Variants in AEBP2 observed in about 807,000 individuals in gnomAD.
The protein encoded by AEBP2 is AE binding protein 2.
Under a neutral mutation model 50.8 loss-of-function variants are expected in AEBP2, and 10 were observed. The ratio of observed to expected loss-of-function variants is 0.20; its 90% CI spans 0.12 to 0.33. The LOEUF is 0.33. Ranked by LOEUF, AEBP2 falls within the 10% of genes least tolerant of loss-of-function variation. AEBP2 has a pLI of 1.00. For synonymous variants in AEBP2, 296 were observed against 261.3 expected, an observed-to-expected ratio of 1.13 and a Z score of -1.28; for missense variants, 570 against 688.0, an observed-to-expected ratio of 0.83 and a Z score of 1.92.
intron 1 of AEBP2, among the ~76,000 whole-genome samples, chr12:19,432,238 T>A (rs1287743527): frequency 6.6e-6 from 1 of 152,166 alleles, no homozygotes; most frequent in East Asian, 1.9e-4. Flanking sequence ...CATGAAAGCA[T>A]GTCTGGATCC....
At chr12:19,412,211 A>T (rs2095739570) in intron 1 of AEBP2, among the ~76,000 whole-genome samples, 1 of 152,220 alleles carries the variant, frequency 6.6e-6, no homozygotes, top group Admixed American at 6.5e-5. Context: ...TTGAAGTCAC[A>T]TATGAACACT....
chr12:19,443,900 A>T (rs1948010476), intron 1 of AEBP2, among the ~76,000 whole-genome samples: 1 of 152,118 alleles, frequency 6.6e-6, no homozygotes, highest in Non-Finnish European at 1.5e-5. Context: ...AACCAGTGTA[A>T]GTTTATAGCG....
chr12:19,507,408 C>T (rs1161200449), intron 5 of AEBP2, among the ~76,000 whole-genome samples: 1 of 151,722 alleles, frequency 6.6e-6, no homozygotes, highest in Non-Finnish European at 1.5e-5. Context: ...ATGAAGGAAC[C>T]AAAAATAGTG....
intron 1 of AEBP2, among the ~76,000 whole-genome samples, chr12:19,461,771 A>G (rs1410404233): frequency 6.6e-6 from 1 of 152,220 alleles, no homozygotes; most frequent in Non-Finnish European, 1.5e-5. Context: ...TCGGCCTCCC[A>G]AAGTGCTGGA....
At chr12:19,459,560 A>G (rs77772584) in intron 1 of AEBP2, among the ~76,000 whole-genome samples, 8,629 of 152,226 alleles carry the variant, frequency 0.057, 533 homozygotes, top group Admixed American at 0.15. Flanking sequence ...TAGGGTTTAA[A>G]TAAAATATGT....
chr12:19,479,425 T>A (rs1948694333), intron 3 of AEBP2, among the ~76,000 whole-genome samples: 1 of 152,072 alleles, frequency 6.6e-6, no homozygotes, highest in South Asian at 2.1e-4. Context: ...GATGTAGATA[T>A]CCAAATACAA....
rs1371932046 is a variant in AEBP2, at chr12:19,521,234, A to G, written c.*3117A>G. The stretch of plus-strand genomic sequence containing the variant: ...CACACAACTTGCATTTTAATATGAC[A>G]ATGTTGATCTTGGTAATAAGCCAGT... On this transcript the variant is annotated 3_prime_UTR_variant, in exon 8 of 8. Transcript: ENST00000266508. 2 of 152,198 alleles carry G rather than the reference A, an allele frequency of 1.3e-5. No individual in the cohort carries two copies. Among genetic ancestry groups the G allele is most frequent in the South Asian group, 2.1e-4 (1 of 4,832 alleles). 9.4% of individuals were successfully genotyped at this position (152,198 alleles called of 1,614,324 possible).
Position 19,456,976 on chromosome 12 carries a change from T to A in AEBP2, c.672-5534T>A, listed in dbSNP as rs1467814581. ...CAGCATGGTTCCACTGGTATTGCCA[T>A]CCTTACAGGAGGATTTTCGTCCCTT... On this transcript the variant is annotated intron_variant, in intron 1 of 7. Transcript: ENST00000266508. The A allele has an allele frequency of 1.9e-6, 3 of 1,574,428 alleles. No individual in the cohort carries two copies. The Admixed American group carries it at 5.0e-5, about 26-fold the overall frequency.
At chr12:19,501,859 T>G (rs1270183385) in intron 5 of AEBP2, among the ~76,000 whole-genome samples, 1 of 141,834 alleles carries the variant, frequency 7.1e-6, no homozygotes, top group African/African-American at 2.5e-5. Flanking sequence ...TCCCTCTGTA[T>G]TCACAGGTTC....
intron 3 of AEBP2, among the ~76,000 whole-genome samples, chr12:19,488,486 A>G (rs1458206741): frequency 6.6e-6 from 1 of 152,086 alleles, no homozygotes; most frequent in East Asian, 1.9e-4. Context: ...AGAGGCAGAA[A>G]GAATCCGGGG....
intron 1 of AEBP2, among the ~76,000 whole-genome samples, chr12:19,431,723 A>G (rs1266674061): frequency 2.0e-5 from 3 of 152,176 alleles, no homozygotes; most frequent in Non-Finnish European, 4.4e-5. Context: ...AACTTGCATC[A>G]GATTTCTAGT....
At chr12:19,448,888 C>G (rs1455171825) in intron 1 of AEBP2, among the ~76,000 whole-genome samples, 1 of 152,026 alleles carries the variant, frequency 6.6e-6, no homozygotes, top group Non-Finnish European at 1.5e-5. Flanking sequence ...GTGTGTTGCC[C>G]AGGCTGGTCT....
At chr12:19,422,412 C>T (rs1342075991) in intron 1 of AEBP2, among the ~76,000 whole-genome samples, 1 of 152,068 alleles carries the variant, frequency 6.6e-6, no homozygotes, top group Non-Finnish European at 1.5e-5. Flanking sequence ...ATCCATACTC[C>T]CCAGGTGGCT....
intron 5 of AEBP2, chr12:19,509,363 G>A (rs1321564879): frequency 1.1e-5 from 2 of 175,476 alleles, no homozygotes; most frequent in African/African-American, 2.4e-5. Context: ...AAAACAAATG[G>A]CATTTTCATT....
chr12:19,478,229 T>C (rs1948679101), intron 3 of AEBP2, among the ~76,000 whole-genome samples: 1 of 152,208 alleles, frequency 6.6e-6, no homozygotes, highest in East Asian at 1.9e-4. Flanking sequence ...GTTTGGGTTT[T>C]GTTTGTTCTT....
chr12:19,506,628 C>G (rs1006978147), intron 5 of AEBP2, among the ~76,000 whole-genome samples: 1 of 152,138 alleles, frequency 6.6e-6, no homozygotes, highest in African/African-American at 2.4e-5. Flanking sequence ...CCTAGAAAAC[C>G]TACTGTTGTT....
At chr12:19,508,069 G>A (rs1949177678) in intron 5 of AEBP2, among the ~76,000 whole-genome samples, 1 of 152,040 alleles carries the variant, frequency 6.6e-6, no homozygotes, top group African/African-American at 2.4e-5. Context: ...GCTGTGCTTG[G>A]TTGGCTTGCA....
At chr12:19,494,274 T>C (rs1307994780) in intron 4 of AEBP2, among the ~76,000 whole-genome samples, 2 of 152,140 alleles carry the variant, frequency 1.3e-5, no homozygotes, top group Non-Finnish European at 2.9e-5. Context: ...TCTAGAAATA[T>C]TTTAGAAAAT....
intron 1 of AEBP2, among the ~76,000 whole-genome samples, chr12:19,455,683 C>T (rs1413543236): frequency 6.6e-6 from 1 of 152,178 alleles, no homozygotes; most frequent in Admixed American, 6.5e-5. Context: ...TTTATAAAAT[C>T]ATACAGTTGA....
Sources: allele counts gnomAD v4.1 joint callset (sites outside exome capture counted in the v4.1 genomes callset), GRCh38; gene constraint gnomAD v4.1.1; transcripts MANE v1.5; gene names NCBI Gene and HGNC (gene_info 2026-07-23, HGNC 2026-07-21).